RGS16: variants seen among roughly 807,000 people sequenced by gnomAD.
RGS16 encodes the protein regulator of G protein signaling 16.
Under a neutral mutation model 18.1 loss-of-function variants are expected in RGS16, and 12 were observed. The ratio of observed to expected loss-of-function variants is 0.66; its 90% confidence interval spans 0.42 to 1.07. RGS16 has a LOEUF of 1.07. Among genes scored for constraint, RGS16 ranks in the 50% least tolerant of loss-of-function variants. The pLI is 0.00. For synonymous variants in RGS16, 88 were observed against 102.0 expected (o/e 0.86, Z 0.83); for missense variants, 238 against 249.2 (o/e 0.95, Z 0.30).
rs142076489 is a variant in RGS16 at position 182,598,894 on chromosome 1, A to T, written c.*1398T>A. On this transcript the variant is annotated 3_prime_UTR_variant, in exon 5 of 5. Coordinates refer to ENST00000367558, the MANE Select transcript of RGS16 (RefSeq NM_002928.4). ...AATTACAATAATAAATAACAACAGC[A>T]CCAACAATAACAAAAACAATGTTAT... 6.5e-6 allele frequency: 1 copy of T among 152,756 alleles called. No individual in the cohort carries two copies. Among genetic ancestry groups the T allele is most frequent in the East Asian group, 1.9e-4 (1 of 5,186 alleles). The allele number at this position is 152,756 out of a possible 1,614,324, so 9.5% of individuals were successfully genotyped here. A position where few individuals can be genotyped will look rare whatever the true frequency, so the allele number is the denominator to read the frequency against.
At chr1:182,602,769 C>T (rs568682229) in intron 2 of RGS16, among the ~76,000 whole-genome samples, 1 of 152,306 alleles carries the variant, frequency 6.6e-6, no homozygotes, top group East Asian at 1.9e-4. Context: ...TTTCAATTCC[C>T]CTGACTCTCA....
intron 4 of RGS16, among the ~76,000 whole-genome samples, chr1:182,601,442 G>C (rs914948766): frequency 6.6e-6 from 1 of 152,162 alleles, no homozygotes; most frequent in African/African-American, 2.4e-5. Context: ...GAATTATGTG[G>C]AATCAATCAG....
chr1:182,602,737 T>C (rs972013917), intron 2 of RGS16, among the ~76,000 whole-genome samples: 6 of 152,196 alleles, frequency 3.9e-5, no homozygotes, highest in African/African-American at 1.4e-4. Context: ...TCTAAGCCTG[T>C]CTCGTCTCTG....
At chr1:182,600,545 TG>T (rs1661846555) in intron 4 of RGS16, 32 bp from the exon 5 acceptor site, 1 of 1,598,206 alleles carries the variant, frequency 6.3e-7, no homozygotes, top group Non-Finnish European at 8.6e-7. Flanking sequence ...CAGGGTGAGT[TG>T]GGGAAGAGGG....
At chr1:182,600,670 G>C (rs1186098216) in intron 4 of RGS16, among the ~76,000 whole-genome samples, 157 bp from the exon 5 acceptor site, 1 of 152,182 alleles carries the variant, frequency 6.6e-6, no homozygotes, top group Non-Finnish European at 1.5e-5. Context: ...CTCTGGGCTT[G>C]TACCCACATC....
chr1:182,599,918 A>C lies in RGS16; in HGVS notation c.*374T>G. Reference sequence around the variant, plus strand: ...TGATCTGGATGTCTTTCCTCCTCTCATTTTCATGGTTCCCTTTATCCACAT... The same window carrying C: ...TGATCTGGATGTCTTTCCTCCTCTCCTTTTCATGGTTCCCTTTATCCACAT... On this transcript the variant is annotated 3_prime_UTR_variant, in exon 5 of 5. Coordinates refer to ENST00000367558, the MANE Select transcript of RGS16 (RefSeq NM_002928.4). The C allele has an allele frequency of 4.5e-6, 1 of 221,172 alleles. No individual in the cohort carries two copies. Among genetic ancestry groups the C allele is most frequent in the Non-Finnish European group, 9.1e-6 (1 of 110,386 alleles). 13.7% of individuals were successfully genotyped at this position (221,172 alleles called of 1,614,324 possible). A position where few individuals can be genotyped will look rare whatever the true frequency, so the allele number is the denominator to read the frequency against.
Position 182,600,111 on chromosome 1 carries a change from A to G in RGS16, c.*181T>C, listed in dbSNP as rs995412696. ...TCCTCTCCAGCATGAGTCCCACAGTATCTGAAGGAGAGACTGCTGCTTCCC... is the reference window on the plus strand; with the variant it reads ...TCCTCTCCAGCATGAGTCCCACAGTGTCTGAAGGAGAGACTGCTGCTTCCC... On this transcript the variant is annotated 3_prime_UTR_variant, in exon 5 of 5. Transcript: ENST00000367558. The G allele has an allele frequency of 1.5e-5, 9 of 597,674 alleles. No individual in the cohort carries two copies. The highest frequency in any genetic ancestry group is 9.1e-5 in the Admixed American group (3 of 32,930). The allele number at this position is 597,674 out of a possible 1,614,324, so 37.0% of individuals were successfully genotyped here.
chr1:182,602,152 G>C lies in RGS16; in HGVS notation c.221-20C>G. 6.2e-7 allele frequency: 1 copy of C among 1,613,136 alleles called. No homozygotes were observed. Among genetic ancestry groups the C allele is most frequent in the Non-Finnish European group, 8.5e-7 (1 of 1,179,102 alleles). On this transcript the variant is annotated intron_variant, in intron 3 of 4. Coordinates refer to ENST00000367558, the MANE Select transcript of RGS16 (RefSeq NM_002928.4). ...CTCCATCTGGGGTTGCGGGAAAGAA[G>C]AGGAAATAGGTCAGCTGGAGGGACA... is the stretch of plus-strand genomic sequence containing the variant.
At chr1:182,601,612 A>T (rs1397340959) in intron 4 of RGS16, among the ~76,000 whole-genome samples, 1 of 152,256 alleles carries the variant, frequency 6.6e-6, no homozygotes, top group Non-Finnish European at 1.5e-5. Context: ...GGCCTCAGGC[A>T]GGTCAGCCTG....
Position 182,602,090 on chromosome 1 carries a change from C to A in RGS16, c.263G>T (p.Ser88Ile). Reference protein sequence around the residue: ...AFHAFLKTEFSEENLEFWLAC... With the variant: ...AFHAFLKTEFIEENLEFWLAC... ...CAGCCAGAACTCCAGGTTCTCCTCA[C>A]TGAACTCTGTCTTCAGGAAAGCGTG... is the stretch of plus-strand genomic sequence containing the variant. Residue 88 changes from serine (S) to isoleucine (I), a missense_variant, in exon 4 of 5, where the codon AGT (serine) becomes ATT (isoleucine). Coordinates refer to ENST00000367558, the MANE Select transcript of RGS16 (RefSeq NM_002928.4). 1 of 1,614,174 alleles carries A rather than the reference C, an allele frequency of 6.2e-7. No homozygotes were observed. The highest frequency in any genetic ancestry group is 8.5e-7 in the Non-Finnish European group (1 of 1,180,038).
chr1:182,603,201 G>C, intron 2 of RGS16, 28 bp downstream of exon 2: 1 of 1,518,068 alleles, frequency 6.6e-7, no homozygotes, highest in Non-Finnish European at 9.2e-7. Context: ...TTCCCTCTCG[G>C]AGCCCTGAGC....
intron 1 of RGS16, 105 bp downstream of exon 1, chr1:182,604,111 C>T: frequency 8.5e-7 from 1 of 1,176,658 alleles, no homozygotes; most frequent in Non-Finnish European, 1.2e-6. Context: ...TCTACTCAAG[C>T]CTCTAGCGCC....
chr1:182,602,138 GT>G lies in RGS16; in HGVS notation c.221-7del, dbSNP rs749831455. 5.0e-6 allele frequency: 8 copies of G among 1,613,890 alleles called. No individual in the cohort carries two copies. Among genetic ancestry groups the G allele is most frequent in the Non-Finnish European group, 6.8e-6 (8 of 1,179,898 alleles). Reference sequence around the variant, plus strand: ...GTGGAAGGCAGCCACTCCATCTGGGGTTGCGGGAAAGAAGAGGAAATAGGTC... The same window carrying G: ...GTGGAAGGCAGCCACTCCATCTGGGGTGCGGGAAAGAAGAGGAAATAGGTC... On this transcript the variant is annotated splice_polypyrimidine_tract_variant and splice_region_variant and intron_variant, in intron 3 of 4. Transcript: ENST00000367558.
chr1:182,600,572 G>A (rs1571278158), intron 4 of RGS16, 59 bp from the exon 5 acceptor site: 1 of 1,399,112 alleles, frequency 7.1e-7, no homozygotes, highest in African/African-American at 1.4e-5. Flanking sequence ...ATGGCTGAGG[G>A]AGGGCCAACG....
chr1:182,604,073 C>T, intron 1 of RGS16, 143 bp downstream of exon 1: 1 of 756,702 alleles, frequency 1.3e-6, no homozygotes. Context: ...GGAATCTGAG[C>T]ACGTGGCATC....
At chr1:182,602,604 G>A (rs527673784) in intron 2 of RGS16, 120 bp from the exon 3 acceptor site, 4 of 841,268 alleles carry the variant, frequency 4.8e-6, no homozygotes, top group South Asian at 3.2e-5. Flanking sequence ...GGCTTGCTTG[G>A]TGATTGCTGA....
rs1661818095 is a variant in RGS16, at chr1:182,599,149, GC to G, written c.*1142del. 6.6e-6 allele frequency: 1 copy of G among 152,422 alleles called. No individual in the cohort carries two copies. Among genetic ancestry groups the G allele is most frequent in the Non-Finnish European group, 1.5e-5 (1 of 68,248 alleles). 9.4% of individuals were successfully genotyped at this position (152,422 alleles called of 1,614,324 possible). On this transcript the variant is annotated 3_prime_UTR_variant, in exon 5 of 5. Coordinates refer to ENST00000367558, the MANE Select transcript of RGS16 (RefSeq NM_002928.4). ...ATCCCCAGTCCTGCCCTTCGAAGCAGCCTCTCCCCCCAGCTTCTGCACTCTA... is the reference window on the plus strand; with the variant it reads ...ATCCCCAGTCCTGCCCTTCGAAGCAGCTCTCCCCCCAGCTTCTGCACTCTA...
At chr1:182,600,885 C>T (rs376757783) in intron 4 of RGS16, among the ~76,000 whole-genome samples, 2 of 152,202 alleles carry the variant, frequency 1.3e-5, no homozygotes, top group Non-Finnish European at 2.9e-5. Context: ...TCTACCCAGT[C>T]GCTACAGTGA....
rs970909010 is a variant in RGS16 at position 182,600,156 on chromosome 1, ATTTTTTTTTTTTTTTT to A, written c.*120_*135del. 9.1e-6 allele frequency: 3 copies of A among 329,814 alleles called. No individual in the cohort carries two copies. Among genetic ancestry groups the A allele is most frequent in the East Asian group, 1.3e-4 (2 of 14,960 alleles). 20.4% of individuals were successfully genotyped at this position (329,814 alleles called of 1,614,324 possible). A position where few individuals can be genotyped will look rare whatever the true frequency, so the allele number is the denominator to read the frequency against. ...CTTCCCAAACAGGCTGCTGGAGCGC[ATTTTTTTTTTTTTTTT>A]TTTTTTTTTTGTCCTCTTGCACTTG... On this transcript the variant is annotated 3_prime_UTR_variant, in exon 5 of 5. Transcript: ENST00000367558.
Sources: allele counts gnomAD v4.1 joint callset (sites outside exome capture counted in the v4.1 genomes callset), GRCh38; gene constraint gnomAD v4.1.1; transcripts MANE v1.5; gene names NCBI Gene and HGNC (gene_info 2026-07-23, HGNC 2026-07-21).